Variants in PLCG2 observed in about 807,000 individuals in gnomAD.
PLCG2 encodes phospholipase C gamma 2.
Under a neutral mutation model 175.6 loss-of-function variants are expected in PLCG2, and 69 were observed. That is an observed-to-expected ratio of 0.39 (90% CI 0.32 to 0.48). PLCG2 has a LOEUF of 0.48. Among genes scored for constraint, PLCG2 ranks in the 20% least tolerant of loss-of-function variants. PLCG2 has a pLI of 0.91. For missense variants in PLCG2, 1,798 were observed against 1,650.9 expected (o/e 1.09, Z -1.54); for synonymous variants, 827 against 624.0 (o/e 1.33, Z -4.85).
At chr16:81,751,890 C>T (rs1909819340) in intron 1 of PLCG2, among the ~76,000 whole-genome samples, 1 of 151,948 alleles carries the variant, frequency 6.6e-6, no homozygotes, top group Admixed American at 6.6e-5. Context: ...GATATGGTGG[C>T]AGGCGTCTGT....
At chr16:81,900,580 C>T in intron 13 of PLCG2, 32 bp from the exon 14 acceptor site, 2 of 1,562,212 alleles carry the variant, frequency 1.3e-6, no homozygotes, top group Non-Finnish European at 1.7e-6. Context: ...TGTGCTCCCC[C>T]TGCCGAGCTG....
chr16:81,961,249 A>C lies in PLCG2; in HGVS notation c.*3251A>C, dbSNP rs565813291. ...TGTATCTGTGTGAACAAGGATCAACATCTCCATAAATGAAATTGAAAACGG... is the reference window on the plus strand; with the variant it reads ...TGTATCTGTGTGAACAAGGATCAACCTCTCCATAAATGAAATTGAAAACGG... On this transcript the variant is annotated 3_prime_UTR_variant, in exon 33 of 33. Transcript: ENST00000564138. 4.4e-6 allele frequency: 1 copy of C among 225,760 alleles called. No homozygotes were observed. The highest frequency in any genetic ancestry group is 1.8e-4 in the South Asian group (1 of 5,458). The allele number at this position is 225,760 out of a possible 1,614,324, so 14.0% of individuals were successfully genotyped here. A position where few individuals can be genotyped will look rare whatever the true frequency, so the allele number is the denominator to read the frequency against.
At chr16:81,812,419 T>C (rs1904359591) in intron 2 of PLCG2, among the ~76,000 whole-genome samples, 1 of 152,220 alleles carries the variant, frequency 6.6e-6, no homozygotes, top group Non-Finnish European at 1.5e-5. Flanking sequence ...TAGTTTTGAT[T>C]TGCATTTCTC....
intron 19 of PLCG2, among the ~76,000 whole-genome samples, chr16:81,916,531 C>T (rs1269841393): frequency 1.3e-5 from 2 of 151,756 alleles, no homozygotes; most frequent in Non-Finnish European, 2.9e-5. Flanking sequence ...AATATGTATA[C>T]ATGGTGAAAT....
rs555937357 is a variant in PLCG2, at chr16:81,874,491, T to C, written c.648+3556T>C. Among the ~76,000 whole-genome samples the C allele has an allele frequency of 3.9e-5, 6 of 152,332 alleles. No homozygotes were observed. In the East Asian group the frequency reaches 1.2e-3, roughly 29 times the overall value. On this transcript the variant is annotated intron_variant, in intron 7 of 32. Transcript: ENST00000564138. ...CTCTAAGAACCTCACTGCTGTTGTG[T>C]AGGTAAATGCCCATCCCCTAACCTG...
chr16:81,910,921 C>T (rs780883859), intron 18 of PLCG2, among the ~76,000 whole-genome samples: 3 of 152,188 alleles, frequency 2.0e-5, no homozygotes, highest in African/African-American at 7.2e-5. Context: ...TCTTTCTTTC[C>T]TCCCCTTTTC....
intron 2 of PLCG2, among the ~76,000 whole-genome samples, chr16:81,847,459 C>G (rs1597352309): frequency 6.6e-6 from 1 of 152,014 alleles, no homozygotes; most frequent in Non-Finnish European, 1.5e-5. Context: ...TTCCAACCCT[C>G]TAATCACATC....
Position 81,936,055 on chromosome 16 carries a change from G to C in PLCG2, c.2843-114G>C, listed in dbSNP as rs181033879. 145 of 1,486,626 alleles carry C rather than the reference G, an allele frequency of 9.8e-5. No individual in the cohort carries two copies. The African/African-American group carries it at 1.9e-3, about 19-fold the overall frequency. The allele number at this position is 1,486,626 out of a possible 1,614,324, so 92.1% of individuals were successfully genotyped here. On this transcript the variant is annotated intron_variant, in intron 26 of 32. Transcript: ENST00000564138. ...TCATCAGAACCCCTTGAATGTCAAA[G>C]AGGGAGATTCCTGGTTTCCTTTTAT...
Position 81,931,296 on chromosome 16 carries a change from C to T in PLCG2, c.2582-201C>T, listed in dbSNP as rs147809234. On this transcript the variant is annotated intron_variant, in intron 24 of 32. Coordinates refer to ENST00000564138, the MANE Select transcript of PLCG2 (RefSeq NM_002661.5). ...ACCTGACACATCTTTTCGGAGGACC[C>T]TACTGAATCTACTGCATCCCTTGAG... The T allele has an allele frequency of 1.5e-5, 7 of 455,610 alleles. No individual in the cohort carries two copies. The East Asian group carries it at 2.3e-4, about 15-fold the overall frequency. 28.2% of individuals were successfully genotyped at this position (455,610 alleles called of 1,614,324 possible).
At chr16:81,931,438 C>T in intron 24 of PLCG2, 59 bp from the exon 25 acceptor site, 1 of 1,550,354 alleles carries the variant, frequency 6.5e-7, no homozygotes, top group Non-Finnish European at 8.8e-7. Flanking sequence ...AGGGTGCAGT[C>T]TGGTCTTTGT....
At chr16:81,837,385 A>T (rs1336006807) in intron 2 of PLCG2, among the ~76,000 whole-genome samples, 5 of 152,226 alleles carry the variant, frequency 3.3e-5, no homozygotes, top group Middle Eastern at 3.2e-3. Context: ...CCTGCAGGCC[A>T]CTTCCTCTGG....
At chr16:81,763,347 C>T (rs187417622) in intron 2 of PLCG2, among the ~76,000 whole-genome samples, 158 of 152,348 alleles carry the variant, frequency 1.0e-3, no homozygotes, top group African/African-American at 3.6e-3. Flanking sequence ...CAGATTTTCT[C>T]ATGGTTTCTG....
In PLCG2 at chr16:81,958,002, C is replaced by T; in HGVS notation, c.*4C>T. Reference sequence around the variant, plus strand: ...CAACAGCAAGTTTTACTCATAGAAGCTGGGGTATGTGTGTAAGGGTATTGT... The same window carrying T: ...CAACAGCAAGTTTTACTCATAGAAGTTGGGGTATGTGTGTAAGGGTATTGT... On this transcript the variant is annotated 3_prime_UTR_variant, in exon 33 of 33. Transcript: ENST00000564138. 6.2e-7 allele frequency: 1 copy of T among 1,606,858 alleles called. No homozygotes were observed. Among genetic ancestry groups the T allele is most frequent in the Non-Finnish European group, 8.5e-7 (1 of 1,173,422 alleles).
rs551191301 is a variant in PLCG2 at position 81,962,028 on chromosome 16, C to G, written c.*4030C>G. ...GGTGGGTGTCCCCTTCCTACCTCACCGCTCCATGTGCGTCCCTCCCGAAGC... is the reference window on the plus strand; with the variant it reads ...GGTGGGTGTCCCCTTCCTACCTCACGGCTCCATGTGCGTCCCTCCCGAAGC... On this transcript the variant is annotated 3_prime_UTR_variant, in exon 33 of 33. Coordinates refer to ENST00000564138, the MANE Select transcript of PLCG2 (RefSeq NM_002661.5). 2.1e-5 allele frequency: 4 copies of G among 192,096 alleles called. No homozygotes were observed. Among genetic ancestry groups the G allele is most frequent in the South Asian group, 1.9e-4 (1 of 5,148 alleles). The allele number at this position is 192,096 out of a possible 1,614,324, so 11.9% of individuals were successfully genotyped here.
chr16:81,827,973 CCAG>C (rs1465377582), intron 2 of PLCG2, among the ~76,000 whole-genome samples: 1 of 151,508 alleles, frequency 6.6e-6, no homozygotes, highest in African/African-American at 2.4e-5. Flanking sequence ...GCCTGTAATC[CCAG>C]CTCTTTGAGA....
chr16:81,957,247 C>T (rs140364937), intron 32 of PLCG2, among the ~76,000 whole-genome samples: 53 of 151,802 alleles, frequency 3.5e-4, no homozygotes, highest in Admixed American at 5.9e-4. Context: ...TGCAGTGAGC[C>T]GAGATCACAC....
At chr16:81,856,187 C>T (rs939976129) in intron 3 of PLCG2, among the ~76,000 whole-genome samples, 1 of 152,160 alleles carries the variant, frequency 6.6e-6, no homozygotes, top group African/African-American at 2.4e-5. Context: ...CCTCAGTTTC[C>T]TCCGCATCTG....
At chr16:81,838,661 A>G (rs1905653196) in intron 2 of PLCG2, among the ~76,000 whole-genome samples, 1 of 152,020 alleles carries the variant, frequency 6.6e-6, no homozygotes, top group Non-Finnish European at 1.5e-5. Context: ...TAATGCCTGC[A>G]GGGTTTAAAA....
upstream of PLCG2, among the ~76,000 whole-genome samples, chr16:81,776,370 GGGTGCTGGGATTACA>G (rs1910408405): frequency 6.6e-6 from 1 of 151,828 alleles, no homozygotes; most frequent in African/African-American, 2.4e-5. Context: ...CAGCCTCCCA[GGGTGCTGGGATTACA>G]GGCGTGAGCC....
Sources: gnomAD v4.1 joint callset for allele counts (sites outside exome capture counted in the v4.1 genomes callset) on GRCh38, gnomAD v4.1.1 for gene constraint, MANE v1.5 for transcripts, NCBI Gene and HGNC (gene_info 2026-07-23, HGNC 2026-07-21) for gene names.